The following LONP2 variants were observed in gnomAD, a reference collection of about 807,000 sequenced individuals.
The protein encoded by LONP2 is lon protease homolog 2, peroxisomal.
Under a neutral mutation model 85.6 loss-of-function variants are expected in LONP2, and 60 were observed. That is an observed-to-expected ratio of 0.70 (90% CI 0.57 to 0.87). The LOEUF (loss-of-function observed/expected upper bound fraction) is 0.87. Ranked by LOEUF, LONP2 falls within the 40% of genes least tolerant of loss-of-function variation. The probability of loss-of-function intolerance (pLI) is 0.00; values close to 1 mark genes in which losing one functional copy is unlikely to be tolerated. For synonymous variants in LONP2, 395 were observed against 389.7 expected (o/e 1.01, Z -0.16); for missense variants, 860 against 1,063.5 (o/e 0.81, Z 2.66).
At chr16:48,323,518 T>G (rs1230996945) in intron 11 of LONP2, among the ~76,000 whole-genome samples, 5 of 152,120 alleles carry the variant, frequency 3.3e-5, no homozygotes, top group African/African-American at 1.2e-4. Context: ...TAGCCAGGTG[T>G]GGTGGTGCAC....
intron 11 of LONP2, among the ~76,000 whole-genome samples, chr16:48,309,088 T>C (rs765142560): frequency 2.0e-5 from 3 of 151,944 alleles, no homozygotes; most frequent in Non-Finnish European, 2.9e-5. Context: ...AAATGAAAAA[T>C]CTATGAGATA....
Position 48,251,573 on chromosome 16 carries a change from A to G in LONP2, c.234-558A>G, listed in dbSNP as rs543470355. Among the ~76,000 whole-genome samples, 12 of 152,264 alleles carry G rather than the reference A, an allele frequency of 7.9e-5. No homozygotes were observed. The East Asian group carries it at 2.3e-3, about 29-fold the overall frequency. On this transcript the variant is annotated intron_variant, in intron 1 of 14. Transcript: ENST00000285737. ...GTGGACTGTAATATTTAGCCCTCAC[A>G]CTTAGAAATTCAGTGTTAAGGGCAT...
chr16:48,249,721 G>T (rs1289790916), intron 1 of LONP2, among the ~76,000 whole-genome samples: 1 of 151,160 alleles, frequency 6.6e-6, no homozygotes, highest in African/African-American at 2.4e-5. Flanking sequence ...GTTAAAAAAA[G>T]AAAAAAAAAT....
intron 6 of LONP2, among the ~76,000 whole-genome samples, chr16:48,265,884 T>C (rs184847499): frequency 7.2e-5 from 11 of 152,348 alleles, no homozygotes; most frequent in Non-Finnish European, 5.9e-5. Context: ...GTCTGACTTA[T>C]TTCATCAGTG....
intron 14 of LONP2, among the ~76,000 whole-genome samples, chr16:48,349,307 C>T (rs1960068625): frequency 6.6e-6 from 1 of 151,930 alleles, no homozygotes; most frequent in Non-Finnish European, 1.5e-5. Flanking sequence ...GTCCGGCTCT[C>T]TTACCCAGGT....
Position 48,355,217 on chromosome 16 carries a change from C to T in LONP2, c.*3415C>T, listed in dbSNP as rs1046751088. On this transcript the variant is annotated 3_prime_UTR_variant, in exon 15 of 15. Coordinates refer to ENST00000285737, the MANE Select transcript of LONP2 (RefSeq NM_031490.5). ...GGTCTGAATGTCCCCCCACCAAATTCGTATGTTGAAGCAACCACCAACGTG... is the reference window on the plus strand; with the variant it reads ...GGTCTGAATGTCCCCCCACCAAATTTGTATGTTGAAGCAACCACCAACGTG... The T allele has an allele frequency of 2.0e-5, 3 of 152,016 alleles. No homozygotes were observed. Among genetic ancestry groups the T allele is most frequent in the Non-Finnish European group, 4.4e-5 (3 of 68,020 alleles). 9.4% of individuals were successfully genotyped at this position (152,016 alleles called of 1,614,324 possible).
intron 11 of LONP2, among the ~76,000 whole-genome samples, chr16:48,325,291 A>G (rs953904682): frequency 5.3e-5 from 8 of 152,184 alleles, no homozygotes; most frequent in African/African-American, 1.7e-4. Flanking sequence ...CTGACAGGCC[A>G]TGGACTGGTA....
chr16:48,348,369 G>T (rs1960035276), intron 14 of LONP2, 79 bp downstream of exon 14: 1 of 934,126 alleles, frequency 1.1e-6, no homozygotes, highest in African/African-American at 1.7e-5. Context: ...ATACGGGTTT[G>T]CCTTCTTTCT....
intron 8 of LONP2, among the ~76,000 whole-genome samples, chr16:48,280,108 G>T (rs1160206598): frequency 6.6e-6 from 1 of 152,118 alleles, no homozygotes; most frequent in Admixed American, 6.5e-5. Flanking sequence ...ACTTTTTATT[G>T]TAAGATCATT....
At chr16:48,277,558 T>A in intron 8 of LONP2, 79 bp downstream of exon 8, 1 of 1,382,440 alleles carries the variant, frequency 7.2e-7, no homozygotes, top group Non-Finnish European at 9.9e-7. Context: ...TCAAGTGATA[T>A]ACACAGTGGT....
chr16:48,259,411 G>A (rs1462700600), intron 4 of LONP2, among the ~76,000 whole-genome samples: 1 of 152,072 alleles, frequency 6.6e-6, no homozygotes, highest in African/African-American at 2.4e-5. Context: ...TGTATGATGG[G>A]ATCTGTTTGA....
chr16:48,320,871 G>A (rs960365575), intron 11 of LONP2, among the ~76,000 whole-genome samples: 1 of 152,104 alleles, frequency 6.6e-6, no homozygotes, highest in Non-Finnish European at 1.5e-5. Flanking sequence ...TCCAATTGGG[G>A]ACAGGAAAAT....
intron 11 of LONP2, among the ~76,000 whole-genome samples, chr16:48,304,719 TAAATA>T (rs1972876062): frequency 6.6e-6 from 1 of 152,024 alleles, no homozygotes; most frequent in African/African-American, 2.4e-5. Context: ...AATAAATAAG[TAAATA>T]AAATAAAATG....
intron 11 of LONP2, among the ~76,000 whole-genome samples, chr16:48,328,187 A>T (rs950672890): frequency 2.6e-5 from 4 of 152,138 alleles, no homozygotes; most frequent in African/African-American, 9.7e-5. Flanking sequence ...CCAAGGCAGG[A>T]GGACCTGAGG....
chr16:48,306,106 G>A (rs1972906420), intron 11 of LONP2, among the ~76,000 whole-genome samples: 1 of 152,146 alleles, frequency 6.6e-6, no homozygotes, highest in Non-Finnish European at 1.5e-5. Flanking sequence ...CCTTTGTGCT[G>A]TGATCTCAAG....
intron 11 of LONP2, among the ~76,000 whole-genome samples, chr16:48,327,438 C>T (rs1250715085): frequency 6.6e-6 from 1 of 152,058 alleles, no homozygotes; most frequent in Non-Finnish European, 1.5e-5. Flanking sequence ...TTTAACAGCA[C>T]TTTATTACTT....
At chr16:48,331,042 A>G (rs1311962032) in intron 11 of LONP2, among the ~76,000 whole-genome samples, 2 of 152,150 alleles carry the variant, frequency 1.3e-5, no homozygotes, top group African/African-American at 4.8e-5. Flanking sequence ...CAAGCTGGCA[A>G]CAGTAATTAG....
chr16:48,300,377 T>C (rs1402991669), intron 10 of LONP2, among the ~76,000 whole-genome samples: 1 of 152,246 alleles, frequency 6.6e-6, no homozygotes, highest in Non-Finnish European at 1.5e-5. Flanking sequence ...GTGTGTAAAT[T>C]ATCTGAATAG....
chr16:48,295,511 G>A (rs1006183934), intron 8 of LONP2, among the ~76,000 whole-genome samples: 1 of 152,122 alleles, frequency 6.6e-6, no homozygotes, highest in African/African-American at 2.4e-5. Flanking sequence ...CATAGCAAAG[G>A]TTACTCTTAT....
Sources: gnomAD v4.1 joint callset for allele counts (sites outside exome capture counted in the v4.1 genomes callset) on GRCh38, gnomAD v4.1.1 for gene constraint, MANE v1.5 for transcripts, NCBI Gene and HGNC (gene_info 2026-07-23, HGNC 2026-07-21) for gene names.